The following LINGO2 variants were observed in gnomAD, a reference collection of about 807,000 sequenced individuals.
LINGO2 encodes leucine rich repeat and Ig domain containing 2.
LINGO2 carries 14 observed loss-of-function variants against 30.6 expected under a neutral mutation model. That is an observed-to-expected ratio of 0.46 (90% CI 0.30 to 0.72). The LOEUF is 0.72. LINGO2 is among the 30% of genes least tolerant of loss of function. The pLI is 0.07. For missense variants in LINGO2, 729 were observed against 751.7 expected (o/e 0.97, Z 0.35); for synonymous variants, 317 against 288.5 (o/e 1.10, Z -1.00).
chr9:28,946,296 G>C, the LINGO2 span, among the ~76,000 whole-genome samples: 3 of 152,130 alleles, frequency 2.0e-5, no homozygotes, highest in Non-Finnish European at 2.9e-5. Context: ...CCCCTACACA[G>C]AGAGAATTCT....
Position 28,431,289 on chromosome 9 carries a change from T to C in LINGO2, c.-279+44651A>G, listed in dbSNP as rs577984632. Among the ~76,000 whole-genome samples, 7 of 152,254 alleles carry C rather than the reference T, an allele frequency of 4.6e-5. No homozygotes were observed. In the South Asian group the frequency reaches 1.2e-3, roughly 27 times the overall value. ...ACATCCAGTATCTTCCTAACTAGAC[T>C]TAAAGCTATTTGAGAGCTGAAACCA... On this transcript the variant is annotated intron_variant, in intron 2 of 5. Transcript: ENST00000379992.
the LINGO2 span, among the ~76,000 whole-genome samples, chr9:28,894,803 G>A: frequency 6.6e-6 from 1 of 151,908 alleles, no homozygotes; most frequent in South Asian, 2.1e-4. Flanking sequence ...ATTGTTGAAT[G>A]ACTAAATCAA....
chr9:28,093,157 T>C (rs1344100344), intron 4 of LINGO2, among the ~76,000 whole-genome samples: 2 of 152,072 alleles, frequency 1.3e-5, no homozygotes, highest in African/African-American at 2.4e-5. Flanking sequence ...TGCTTTTCAA[T>C]TAACTCTTAG....
rs184311299 is a variant in LINGO2, at chr9:28,517,121, C to G, written c.-364-41096G>C. On this transcript the variant is annotated intron_variant, in intron 1 of 5. Coordinates refer to ENST00000379992, the Ensembl canonical transcript of LINGO2. ...GGTGATTAAGCTGATTAAGTAAGAA[C>G]ACTGTGATTCTTCATTCATTCGTCT... 1.4e-3 allele frequency among the ~76,000 whole-genome samples: 214 copies of G among 152,286 alleles called. 1 individual carries two copies. In the South Asian group the frequency reaches 0.023, roughly 16 times the overall value.
chr9:28,532,397 G>C (rs1821267927), intron 1 of LINGO2, among the ~76,000 whole-genome samples: 1 of 151,788 alleles, frequency 6.6e-6, no homozygotes, highest in Non-Finnish European at 1.5e-5. Context: ...AATATTTTTT[G>C]TGGTTCACAT....
the LINGO2 span, among the ~76,000 whole-genome samples, chr9:28,914,889 T>C: frequency 2.6e-5 from 4 of 152,152 alleles, no homozygotes; most frequent in African/African-American, 9.7e-5. Context: ...TCCCAGCACT[T>C]TGGGAGGCCG....
At chr9:28,295,636 C>T (rs963183257) in intron 3 of LINGO2, among the ~76,000 whole-genome samples, 1 of 152,180 alleles carries the variant, frequency 6.6e-6, no homozygotes, top group Non-Finnish European at 1.5e-5. Context: ...GATATTAAAA[C>T]TCACACATCC....
At position 28,328,030 on chromosome 9, in the gene LINGO2, G is replaced by T. The variant is rs183756441; in HGVS notation, c.-245-32664C>A. On this transcript the variant is annotated intron_variant, in intron 3 of 5. Coordinates refer to ENST00000379992, the Ensembl canonical transcript of LINGO2. ...TTTCAGACTTTTGGACCCTGTGAAT[G>T]TGTGCATCAGAAAGCTCTTAGCAGG... 3.9e-5 allele frequency among the ~76,000 whole-genome samples: 6 copies of T among 152,276 alleles called. No individual in the cohort carries two copies. In the East Asian group the frequency reaches 1.2e-3, roughly 29 times the overall value.
chr9:28,606,945 T>C (rs1304688903), intron 1 of LINGO2, among the ~76,000 whole-genome samples: 1 of 152,092 alleles, frequency 6.6e-6, no homozygotes, highest in Non-Finnish European at 1.5e-5. Context: ...TATAAACATA[T>C]TTACATTTCA....
intron 4 of LINGO2, among the ~76,000 whole-genome samples, chr9:28,256,580 T>C (rs972006738): frequency 3.3e-5 from 5 of 151,890 alleles, no homozygotes; most frequent in African/African-American, 1.2e-4. Context: ...GTGGTAAGAA[T>C]GATGAAAAAG....
chr9:28,685,533 T>G, the LINGO2 span, among the ~76,000 whole-genome samples: 3 of 152,106 alleles, frequency 2.0e-5, no homozygotes, highest in Non-Finnish European at 4.4e-5. Flanking sequence ...TTTGAGGCTT[T>G]TATTTGAATC....
chr9:29,073,163 T>C, the LINGO2 span, among the ~76,000 whole-genome samples: 3 of 152,064 alleles, frequency 2.0e-5, no homozygotes, highest in Non-Finnish European at 4.4e-5. Context: ...AAGAAAAAAA[T>C]ATATGTATAT....
the LINGO2 span, among the ~76,000 whole-genome samples, chr9:29,031,635 T>G: frequency 3.3e-5 from 5 of 152,256 alleles, no homozygotes; most frequent in Admixed American, 1.3e-4. Context: ...CAAATGTTAT[T>G]CTAAAATGTC....
At chr9:29,146,851 G>T in the LINGO2 span, among the ~76,000 whole-genome samples, 8 of 152,162 alleles carry the variant, frequency 5.3e-5, no homozygotes, top group African/African-American at 1.9e-4. Flanking sequence ...ATTTTTAAAT[G>T]GAGAAATACA....
At chr9:28,226,699 GAA>G (rs2133919783) in intron 4 of LINGO2, among the ~76,000 whole-genome samples, 1 of 148,906 alleles carries the variant, frequency 6.7e-6, no homozygotes, top group Non-Finnish European at 1.5e-5. Context: ...AAGAAAGAAA[GAA>G]AGAGAAAGAG....
chr9:29,146,883 T>C, the LINGO2 span, among the ~76,000 whole-genome samples: 5 of 152,296 alleles, frequency 3.3e-5, no homozygotes, highest in East Asian at 9.6e-4. Context: ...TAAAACACTG[T>C]ACAACTTTTA....
Position 28,351,247 on chromosome 9 carries a change from C to T in LINGO2, c.-246+21589G>A, listed in dbSNP as rs1281671831. 8.2e-3 allele frequency among the ~76,000 whole-genome samples: 1,191 copies of T among 145,106 alleles called. 16 individuals carry two copies. The highest frequency in any genetic ancestry group is 0.028 in the African/African-American group (1,101 of 39,068). ...GAAAGGATCAACAAAATTGATAGAC[C>T]GCTAGCAAGACTAATAAAGAAAAAA... On this transcript the variant is annotated intron_variant, in intron 3 of 5. Coordinates refer to ENST00000379992, the Ensembl canonical transcript of LINGO2.
intron 4 of LINGO2, among the ~76,000 whole-genome samples, chr9:28,111,437 G>A (rs1431566257): frequency 6.6e-6 from 1 of 151,864 alleles, no homozygotes; most frequent in Non-Finnish European, 1.5e-5. Context: ...CGAAGAGGCT[G>A]ACATCATGCG....
the LINGO2 span, among the ~76,000 whole-genome samples, chr9:28,887,100 C>T: frequency 1.3e-5 from 2 of 152,062 alleles, no homozygotes; most frequent in Non-Finnish European, 1.5e-5. Context: ...ACATATAATG[C>T]TGTGTCCATT....
Sources: gnomAD v4.1 joint callset for allele counts (sites outside exome capture counted in the v4.1 genomes callset) on GRCh38, gnomAD v4.1.1 for gene constraint, MANE v1.5 for transcripts, NCBI Gene and HGNC (gene_info 2026-07-23, HGNC 2026-07-21) for gene names.